Variants in FNDC3B observed in about 807,000 individuals in gnomAD.
FNDC3B encodes the protein fibronectin type III domain containing 3B, also known as fibronectin type III domain-containing protein 3B.
FNDC3B carries 12 observed loss-of-function variants against 151.5 expected under a neutral mutation model. That is an observed-to-expected ratio of 0.08 (90% CI 0.05 to 0.13). The LOEUF is 0.13. FNDC3B is among the 10% of genes least tolerant of loss of function. The pLI, the probability that FNDC3B is intolerant of heterozygous loss-of-function variation, is 1.00. For synonymous variants in FNDC3B, 528 were observed against 549.0 expected, an observed-to-expected ratio of 0.96 and a Z score of 0.54; for missense variants, 1,214 against 1,505.3, an observed-to-expected ratio of 0.81 and a Z score of 3.20.
At chr3:172,179,378 A>G (rs1399618758) in intron 3 of FNDC3B, among the ~76,000 whole-genome samples, 6 of 152,168 alleles carry the variant, frequency 3.9e-5, no homozygotes, top group Non-Finnish European at 8.8e-5. Context: ...GTTTATAACT[A>G]TTATGCTCAA....
intron 11 of FNDC3B, among the ~76,000 whole-genome samples, chr3:172,312,596 G>A (rs1412637695): frequency 1.4e-5 from 2 of 144,780 alleles, no homozygotes; most frequent in African/African-American, 5.3e-5. Context: ...TACAGAAAAG[G>A]CATTTTTTTT....
chr3:172,095,910 A>G (rs1719069074), intron 1 of FNDC3B, among the ~76,000 whole-genome samples: 2 of 152,184 alleles, frequency 1.3e-5, no homozygotes, highest in Non-Finnish European at 2.9e-5. Flanking sequence ...ACACCTTCCT[A>G]TGTTAGCAGA....
chr3:172,136,180 T>C (rs1721352450), intron 3 of FNDC3B, among the ~76,000 whole-genome samples: 1 of 152,146 alleles, frequency 6.6e-6, no homozygotes, highest in African/African-American at 2.4e-5. Context: ...AACAGCAAGG[T>C]TAAGTTCCTG....
At chr3:172,356,689 G>C (rs1426754406) in intron 22 of FNDC3B, among the ~76,000 whole-genome samples, 2 of 152,086 alleles carry the variant, frequency 1.3e-5, no homozygotes, top group African/African-American at 4.8e-5. Context: ...ACTTTACTCG[G>C]AGCCCATCTT....
chr3:172,392,312 T>C (rs989737463), intron 25 of FNDC3B, among the ~76,000 whole-genome samples: 2 of 152,240 alleles, frequency 1.3e-5, no homozygotes, highest in Non-Finnish European at 2.9e-5. Flanking sequence ...AGGAGGAATG[T>C]GCTTAAAGTC....
Position 172,218,978 on chromosome 3 carries a change from T to C in FNDC3B, c.188-7893T>C, listed in dbSNP as rs79714822. The stretch of plus-strand genomic sequence containing the variant: ...GTTTAAGGAACAAGAGATCTTGCTT[T>C]CAAAGGAAAGTGAAATTAGAAAAAC... On this transcript the variant is annotated intron_variant, in intron 3 of 25. Coordinates refer to ENST00000415807, the MANE Select transcript of FNDC3B (RefSeq NM_022763.4). Among the ~76,000 whole-genome samples, 406 of 152,322 alleles carry C rather than the reference T, an allele frequency of 2.7e-3. 1 individual carries two copies. Among genetic ancestry groups the C allele is most frequent in the Middle Eastern group, 6.8e-3 (2 of 294 alleles).
intron 6 of FNDC3B, among the ~76,000 whole-genome samples, chr3:172,283,094 G>A (rs992324354): frequency 4.6e-5 from 7 of 152,184 alleles, no homozygotes; most frequent in African/African-American, 1.4e-4. Flanking sequence ...CTCAGGAAAT[G>A]TCAGTTTTCG....
chr3:172,040,777 C>T lies in FNDC3B; in HGVS notation c.-29+1006C>T, dbSNP rs1272431571. ...CGTGGGAAGGGCCTGTCACTCTCGG[C>T]AGAAAGTGGGGCCTCGGGCTGTGCC... On this transcript the variant is annotated intron_variant, in intron 1 of 25. Transcript: ENST00000415807. This position sits in a 1 kb window ranked among gnomAD's most constrained non-coding sequence, Gnocchi z 6.6. 6.6e-6 allele frequency among the ~76,000 whole-genome samples: 1 copy of T among 152,078 alleles called. No individual in the cohort carries two copies. Among genetic ancestry groups the T allele is most frequent in the Non-Finnish European group, 1.5e-5 (1 of 67,978 alleles).
At chr3:172,384,601 C>A (rs1299313300) in intron 25 of FNDC3B, among the ~76,000 whole-genome samples, 1 of 152,156 alleles carries the variant, frequency 6.6e-6, no homozygotes, top group Admixed American at 6.5e-5. Context: ...TTTTATTTTA[C>A]GTGCCGTGCT....
rs564194142 is a variant in FNDC3B at position 172,333,256 on chromosome 3, C to A, written c.1641+81C>A. On this transcript the variant is annotated intron_variant, in intron 14 of 25. Coordinates refer to ENST00000415807, the MANE Select transcript of FNDC3B (RefSeq NM_022763.4). ...CACCATTTACCATGTCAGATTGACT[C>A]TACAGGTTAAAAAATGAAGTTCACA... 42 of 905,446 alleles carry A rather than the reference C, an allele frequency of 4.6e-5. No homozygotes were observed. In the African/African-American group the frequency reaches 6.4e-4, roughly 14 times the overall value. The allele number at this position is 905,446 out of a possible 1,614,324, so 56.1% of individuals were successfully genotyped here.
chr3:172,137,953 CTTCAG>C (rs1416628095), intron 3 of FNDC3B, among the ~76,000 whole-genome samples: 1 of 152,214 alleles, frequency 6.6e-6, no homozygotes, highest in African/African-American at 2.4e-5. Context: ...TTTGCCTTTG[CTTCAG>C]TTCAGGAATT....
chr3:172,344,958 G>A (rs1004359539), intron 19 of FNDC3B, among the ~76,000 whole-genome samples: 4 of 152,180 alleles, frequency 2.6e-5, no homozygotes, highest in Non-Finnish European at 5.9e-5. Flanking sequence ...GCAGAAGCGT[G>A]TGGGTAAAGC....
At chr3:172,082,431 A>G (rs1718328226) in intron 1 of FNDC3B, among the ~76,000 whole-genome samples, 1 of 152,228 alleles carries the variant, frequency 6.6e-6, no homozygotes, top group Non-Finnish European at 1.5e-5. Flanking sequence ...TATCTGATCC[A>G]GATGTGTGAC....
At chr3:172,211,545 A>G (rs1347718311) in intron 3 of FNDC3B, among the ~76,000 whole-genome samples, 1 of 152,258 alleles carries the variant, frequency 6.6e-6, no homozygotes, top group East Asian at 1.9e-4. Context: ...GAATGGTTGG[A>G]AGGCATGTCA....
rs1055223478 is a variant in FNDC3B, at chr3:172,072,085, G to A, written c.-29+32314G>A. On this transcript the variant is annotated intron_variant, in intron 1 of 25. Transcript: ENST00000415807. Reference sequence around the variant, plus strand: ...CCTTCATTTTCTTCAATGAAAATACGGCATTTTACAGCAGTGCTGTCCAAT... The same window carrying A: ...CCTTCATTTTCTTCAATGAAAATACAGCATTTTACAGCAGTGCTGTCCAAT... Among the ~76,000 whole-genome samples, 10 of 149,870 alleles carry A rather than the reference G, an allele frequency of 6.7e-5. No individual in the cohort carries two copies. In the South Asian group the frequency reaches 2.0e-3, roughly 29 times the overall value.
intron 2 of FNDC3B, among the ~76,000 whole-genome samples, chr3:172,129,424 T>G (rs1369985379): frequency 3.3e-5 from 5 of 152,228 alleles, no homozygotes; most frequent in Non-Finnish European, 5.9e-5. Context: ...AGGTTTAAAT[T>G]GCAAAAGTAG....
intron 25 of FNDC3B, among the ~76,000 whole-genome samples, chr3:172,382,429 TC>T (rs1043205489): frequency 6.6e-6 from 1 of 152,234 alleles, no homozygotes; most frequent in Admixed American, 6.5e-5. Flanking sequence ...GCCTGTTCAC[TC>T]TGATGATAGT....
At chr3:172,284,455 AAGAT>A (rs1729903998) in intron 6 of FNDC3B, among the ~76,000 whole-genome samples, 1 of 152,164 alleles carries the variant, frequency 6.6e-6, no homozygotes, top group South Asian at 2.1e-4. Flanking sequence ...ACAAATAAGA[AAGAT>A]AGTTCTTTTC....
chr3:172,210,192 C>T lies in FNDC3B; in HGVS notation c.188-16679C>T, dbSNP rs185029429. Among the ~76,000 whole-genome samples the T allele has an allele frequency of 1.4e-3, 210 of 152,280 alleles. 1 individual carries two copies. Among genetic ancestry groups the T allele is most frequent in the African/African-American group, 4.9e-3 (203 of 41,570 alleles). ...ACCGGGATCACCTGTTCCCAGCCCC[C>T]GCCAGCTCCACGAAGCCGCCCCCCA... On this transcript the variant is annotated intron_variant, in intron 3 of 25. Transcript: ENST00000415807.
Sources: gnomAD v4.1 joint callset for allele counts (sites outside exome capture counted in the v4.1 genomes callset) on GRCh38, gnomAD v4.1.1 for gene constraint, Gnocchi (gnomAD v3.1) non-coding constraint, MANE v1.5 for transcripts, NCBI Gene and HGNC (gene_info 2026-07-23, HGNC 2026-07-21) for gene names.